MAP2K5: variants seen among roughly 807,000 people sequenced by gnomAD.
MAP2K5 encodes the protein dual specificity mitogen-activated protein kinase kinase 5.
MAP2K5 carries 49 observed loss-of-function variants against 83.1 expected under a neutral mutation model. That is an observed-to-expected ratio of 0.59 (90% confidence interval 0.47 to 0.75). MAP2K5 has a LOEUF of 0.75. Ranked by LOEUF, MAP2K5 falls within the 30% of genes least tolerant of loss-of-function variation. The pLI, the probability that MAP2K5 is intolerant of heterozygous loss-of-function variation, is 0.00. For synonymous variants in MAP2K5, 202 were observed against 191.8 expected (o/e 1.05, Z -0.44); for missense variants, 457 against 557.5 (o/e 0.82, Z 1.82).
At chr15:67,703,513 G>A in intron 16 of MAP2K5, 105 bp downstream of exon 16, 2 of 897,146 alleles carry the variant, frequency 2.2e-6, no homozygotes, top group Non-Finnish European at 3.5e-6. Flanking sequence ...CCTTCAGCAT[G>A]TTATATAGAT....
chr15:67,767,778 T>G (rs1471259475), intron 19 of MAP2K5, among the ~76,000 whole-genome samples: 2 of 152,180 alleles, frequency 1.3e-5, no homozygotes, highest in Non-Finnish European at 2.9e-5. Context: ...TTCTTTTGAG[T>G]GGACTGTTTG....
intron 21 of MAP2K5, among the ~76,000 whole-genome samples, chr15:67,796,857 C>T (rs1040639887): frequency 2.0e-5 from 3 of 152,176 alleles, no homozygotes; most frequent in Admixed American, 2.0e-4. Flanking sequence ...CTGGCAGCTG[C>T]TTAAGGGACA....
At chr15:67,673,355 C>T (rs1026916385) in intron 13 of MAP2K5, among the ~76,000 whole-genome samples, 36 of 151,850 alleles carry the variant, frequency 2.4e-4, no homozygotes, top group Admixed American at 6.6e-5. Flanking sequence ...ATAGTGTAGG[C>T]AGGTAAATGT....
intron 2 of MAP2K5, among the ~76,000 whole-genome samples, chr15:67,556,120 C>T (rs751549703): frequency 6.6e-5 from 10 of 152,126 alleles, no homozygotes; most frequent in African/African-American, 1.7e-4. Context: ...AACTATTTGT[C>T]GTCTTTGCCT....
intron 8 of MAP2K5, among the ~76,000 whole-genome samples, chr15:67,604,267 A>G (rs1045818893): frequency 1.1e-4 from 16 of 152,284 alleles, no homozygotes; most frequent in South Asian, 2.1e-4. Flanking sequence ...TACATGGAAC[A>G]TAAAGGAAAT....
At chr15:67,621,350 T>G (rs1286443604) in intron 8 of MAP2K5, among the ~76,000 whole-genome samples, 2 of 147,358 alleles carry the variant, frequency 1.4e-5, no homozygotes, top group African/African-American at 5.0e-5. Context: ...ATGCTTAGAA[T>G]CTAACTCAAG....
chr15:67,582,847 C>T (rs1038200969), intron 4 of MAP2K5, among the ~76,000 whole-genome samples: 1 of 151,806 alleles, frequency 6.6e-6, no homozygotes, highest in African/African-American at 2.4e-5. Flanking sequence ...CACACACACA[C>T]ACACACACTT....
intron 8 of MAP2K5, among the ~76,000 whole-genome samples, chr15:67,623,598 C>CTTT (rs369601076): frequency 7.0e-6 from 1 of 142,230 alleles, no homozygotes; most frequent in Admixed American, 7.1e-5. Flanking sequence ...TACTATCTTC[C>CTTT]TTTTTTTTTT....
At chr15:67,728,464 T>G (rs2089151019) in intron 17 of MAP2K5, among the ~76,000 whole-genome samples, 1 of 152,254 alleles carries the variant, frequency 6.6e-6, no homozygotes, top group Admixed American at 6.5e-5. Context: ...CAGTCCATTA[T>G]AGTAGCATTG....
intron 16 of MAP2K5, among the ~76,000 whole-genome samples, chr15:67,712,484 C>A (rs775631991): frequency 6.6e-6 from 1 of 152,122 alleles, no homozygotes; most frequent in African/African-American, 2.4e-5. Context: ...GAAAACTGTG[C>A]AGAGGGTAAA....
At chr15:67,803,366 G>A in intron 21 of MAP2K5, among the ~76,000 whole-genome samples, 1 of 149,760 alleles carries the variant, frequency 6.7e-6, no homozygotes, top group East Asian at 2.0e-4. Context: ...GTGGCCAAGT[G>A]AGTTTTGTGC....
intron 8 of MAP2K5, among the ~76,000 whole-genome samples, chr15:67,625,270 G>A (rs1177632397): frequency 1.3e-5 from 2 of 152,146 alleles, no homozygotes. Flanking sequence ...TACACCAGGC[G>A]ACTAACTTTT....
At chr15:67,634,532 G>A (rs550810103) in intron 9 of MAP2K5, among the ~76,000 whole-genome samples, 19 of 152,026 alleles carry the variant, frequency 1.2e-4, no homozygotes, top group Admixed American at 6.5e-4. Flanking sequence ...ATTACTGAAA[G>A]AGGGGTGTTG....
In MAP2K5 at chr15:67,637,783, CT is replaced by C. The variant is rs1466812150; in HGVS notation, c.585+6857del. On this transcript the variant is annotated intron_variant, in intron 9 of 21. Transcript: ENST00000178640. This position sits in a 1 kb window ranked among gnomAD's most constrained non-coding sequence, Gnocchi z 4.5. ...CTTATCTCTGCCTGGTTTCCCCTCCCTGCACTGAGGCCTGGGAACTCTCTGG... is the reference window on the plus strand; with the variant it reads ...CTTATCTCTGCCTGGTTTCCCCTCCCGCACTGAGGCCTGGGAACTCTCTGG... Among the ~76,000 whole-genome samples, 1 of 152,062 alleles carries C rather than the reference CT, an allele frequency of 6.6e-6. No homozygotes were observed. The highest frequency in any genetic ancestry group is 1.5e-5 in the Non-Finnish European group (1 of 68,014).
intron 16 of MAP2K5, among the ~76,000 whole-genome samples, chr15:67,707,161 C>T (rs1038976675): frequency 9.2e-5 from 14 of 152,142 alleles, no homozygotes; most frequent in South Asian, 4.1e-4. Flanking sequence ...GTGATCTGCC[C>T]GTCTTGGCCT....
intron 13 of MAP2K5, among the ~76,000 whole-genome samples, chr15:67,667,206 G>C (rs921054777): frequency 6.6e-6 from 1 of 152,056 alleles, no homozygotes; most frequent in African/African-American, 2.4e-5. Flanking sequence ...GATTAAAGAT[G>C]CCTTTTTATT....
Position 67,802,820 on chromosome 15 carries a change from A to G in MAP2K5, c.1243-3826A>G, listed in dbSNP as rs569735170. On this transcript the variant is annotated intron_variant, in intron 21 of 21. Coordinates refer to ENST00000178640, the MANE Select transcript of MAP2K5 (RefSeq NM_145160.3). The surrounding 1 kb of genome is among the most constrained non-coding windows in gnomAD (Gnocchi z 5.0). ...GTTCCTTATAGCCTGATGGGGCTGC[A>G]AGAGCTTGCCTGCATCTGGATTCCT... Among the ~76,000 whole-genome samples the G allele has an allele frequency of 2.0e-5, 3 of 152,224 alleles. No individual in the cohort carries two copies. The South Asian group carries it at 6.2e-4, about 31-fold the overall frequency.
chr15:67,576,910 C>T (rs1451840170), intron 3 of MAP2K5, among the ~76,000 whole-genome samples: 3 of 144,746 alleles, frequency 2.1e-5, no homozygotes, highest in Non-Finnish European at 3.0e-5. Flanking sequence ...TTGAGCCTCA[C>T]AGTAACCCTA....
chr15:67,614,952 A>T lies in MAP2K5; in HGVS notation c.545+14203A>T, dbSNP rs4776946. ...TGAAATTAATATCTGTGACCTCATA[A>T]CATATTTGACTTGAGACCTAAACAG... On this transcript the variant is annotated intron_variant, in intron 8 of 21. Coordinates refer to ENST00000178640, the MANE Select transcript of MAP2K5 (RefSeq NM_145160.3). Among the ~76,000 whole-genome samples the T allele has an allele frequency of 8.4e-3, 1,277 of 152,232 alleles. 41 individuals are homozygous for T. The highest frequency in any genetic ancestry group is 0.062 in the Admixed American group (952 of 15,282).
Sources: gnomAD v4.1 joint callset for allele counts (sites outside exome capture counted in the v4.1 genomes callset) on GRCh38, gnomAD v4.1.1 for gene constraint, Gnocchi (gnomAD v3.1) non-coding constraint, MANE v1.5 for transcripts, NCBI Gene and HGNC (gene_info 2026-07-23, HGNC 2026-07-21) for gene names.